Variants in PIP5KL1 observed in about 807,000 individuals in gnomAD.
The protein encoded by PIP5KL1 is phosphatidylinositol-4-phosphate 5-kinase like 1, also known as phosphatidylinositol 4-phosphate 5-kinase-like protein 1.
Under a neutral mutation model 47.6 loss-of-function variants are expected in PIP5KL1, and 45 were observed. The ratio of observed to expected loss-of-function variants is 0.94; its 90% CI spans 0.74 to 1.21. The LOEUF is 1.21. Among genes scored for constraint, PIP5KL1 ranks in the 50% most tolerant of loss-of-function variants. PIP5KL1 has a pLI of 0.00. For synonymous variants in PIP5KL1, 256 were observed against 234.6 expected, an observed-to-expected ratio of 1.09 and a Z score of -0.84; for missense variants, 577 against 547.6, an observed-to-expected ratio of 1.05 and a Z score of -0.54.
intron 3 of PIP5KL1, 67 bp downstream of exon 3, chr9:127,928,366 G>A: frequency 6.5e-7 from 1 of 1,550,266 alleles, no homozygotes; most frequent in South Asian, 1.2e-5. Flanking sequence ...TGCACAGATG[G>A]GAAAACTGCA....
intron 9 of PIP5KL1, among the ~76,000 whole-genome samples, chr9:127,924,415 C>T (rs189632782): frequency 4.0e-5 from 6 of 150,698 alleles, no homozygotes; most frequent in Admixed American, 3.3e-4. Flanking sequence ...TGCTTGAACC[C>T]GAGAGGCGGA....
chr9:127,929,538 A>G lies in PIP5KL1; in HGVS notation c.228+150T>C. 1 of 860,346 alleles carries G rather than the reference A, an allele frequency of 1.2e-6. No homozygotes were observed. Among genetic ancestry groups the G allele is most frequent in the Non-Finnish European group, 1.7e-6 (1 of 582,766 alleles). The allele number at this position is 860,346 out of a possible 1,614,324, so 53.3% of individuals were successfully genotyped here. ...ACCCCCAACGCACCCCAGACGTTCC[A>G]GCTCCCACACCACAATGTTCCTCCC... is the stretch of plus-strand genomic sequence containing the variant. On this transcript the variant is annotated intron_variant, in intron 2 of 9. Coordinates refer to ENST00000388747, the MANE Select transcript of PIP5KL1 (RefSeq NM_001135219.2). The surrounding 1 kb of genome is among the most constrained non-coding windows in gnomAD (Gnocchi z 4.0).
At chr9:127,925,654 C>A (rs1430494449) in intron 8 of PIP5KL1, 10 of 557,428 alleles carry the variant, frequency 1.8e-5, no homozygotes, top group East Asian at 6.2e-5. Context: ...TTCGTAGAGA[C>A]AGAGTTTCAG....
chr9:127,925,365 A>C, intron 8 of PIP5KL1, 105 bp from the exon 9 acceptor site: 70 of 1,331,046 alleles, frequency 5.3e-5, no homozygotes, highest in Non-Finnish European at 6.4e-5. Context: ...TCCCCATCTC[A>C]CAAATAAAGA....
intron 1 of PIP5KL1, 36 bp downstream of exon 1, chr9:127,930,687 C>T: frequency 6.5e-7 from 1 of 1,538,082 alleles, no homozygotes; most frequent in Non-Finnish European, 8.7e-7. Context: ...CCCACCAACC[C>T]TTCCCTCTCC....
Position 127,925,916 on chromosome 9 carries a change from A to C in PIP5KL1, c.714T>G (p.Leu238=). The stretch of plus-strand genomic sequence containing the variant: ...AGTTGAGGTCCTTCAGCACCAGAAC[A>C]AGGGGGCTGCCCTCAGGGGCGGGAT... ...WVDPAPEGSP[L]VLVLKDLNFQ... The change falls in exon 8 of 10, where the codon CTT becomes CTG. Residue 238 remains leucine (L), a synonymous_variant. Coordinates refer to ENST00000388747, the MANE Select transcript of PIP5KL1 (RefSeq NM_001135219.2). 1 of 1,614,128 alleles carries C rather than the reference A, an allele frequency of 6.2e-7. No individual in the cohort carries two copies. Among genetic ancestry groups the C allele is most frequent in the Middle Eastern group, 1.6e-4 (1 of 6,062 alleles).
intron 7 of PIP5KL1, among the ~76,000 whole-genome samples, chr9:127,926,325 C>T (rs1433262443): frequency 2.6e-5 from 4 of 151,082 alleles, no homozygotes; most frequent in African/African-American, 4.9e-5. Context: ...GAAACAAACA[C>T]GGCTCACTGA....
chr9:127,930,773 G>A lies in PIP5KL1; in HGVS notation c.-21C>T, dbSNP rs778630794. ...GCCATCGCCCCCGCAGCAGCTTCCCGGGCTTTGGCCGCATTCCCCGCCGCC... is the reference window on the plus strand; with the variant it reads ...GCCATCGCCCCCGCAGCAGCTTCCCAGGCTTTGGCCGCATTCCCCGCCGCC... On this transcript the variant is annotated 5_prime_UTR_variant, in exon 1 of 10. Transcript: ENST00000388747. 1.5e-5 allele frequency: 23 copies of A among 1,534,768 alleles called. No homozygotes were observed. The highest frequency in any genetic ancestry group is 9.9e-5 in the African/African-American group (7 of 70,434).
At position 127,928,690 on chromosome 9, in the gene PIP5KL1, C is replaced by T. The variant is rs572740130; in HGVS notation, c.229-207G>A. Reference sequence around the variant, plus strand: ...ATGCCAGGGGGACAAGAGTGACCCACGGCAAGGCCTGAGTGTATCTCATCC... The same window carrying T: ...ATGCCAGGGGGACAAGAGTGACCCATGGCAAGGCCTGAGTGTATCTCATCC... On this transcript the variant is annotated intron_variant, in intron 2 of 9. Coordinates refer to ENST00000388747, the MANE Select transcript of PIP5KL1 (RefSeq NM_001135219.2). The T allele has an allele frequency of 1.8e-4, 106 of 601,900 alleles. 1 individual carries two copies. Among genetic ancestry groups the T allele is most frequent in the Non-Finnish European group, 2.5e-4 (87 of 341,452 alleles). 37.3% of individuals were successfully genotyped at this position (601,900 alleles called of 1,614,324 possible).
At chr9:127,930,586 G>T in intron 1 of PIP5KL1, 137 bp downstream of exon 1, 1 of 1,093,846 alleles carries the variant, frequency 9.1e-7, no homozygotes, top group Non-Finnish European at 1.2e-6. Flanking sequence ...CCCGTGTGGG[G>T]CGTGTCCTGG....
chr9:127,926,220 T>C (rs1255194095), intron 7 of PIP5KL1, among the ~76,000 whole-genome samples: 2 of 150,282 alleles, frequency 1.3e-5, no homozygotes, highest in Non-Finnish European at 3.0e-5. Context: ...TCCCCTTCTT[T>C]CTTCCCTTTT....
Position 127,927,122 on chromosome 9 carries a change from A to G in PIP5KL1, c.650+31T>C. ...CTTCGGGCCGCGAGTTTCGGCTGGG[A>G]TGGGGGCCCAAACCTGCTTAGGCCA... On this transcript the variant is annotated intron_variant, in intron 7 of 9. Transcript: ENST00000388747. The surrounding 1 kb of genome is among the most constrained non-coding windows in gnomAD (Gnocchi z 5.5). 1.9e-6 allele frequency: 3 copies of G among 1,578,562 alleles called. No homozygotes were observed. The highest frequency in any genetic ancestry group is 1.8e-5 in the Admixed American group (1 of 56,824).
In PIP5KL1 at chr9:127,929,761, A is replaced by G; in HGVS notation, c.155T>C (p.Leu52Pro). Residue 52 changes from leucine to proline, a missense_variant, in exon 2 of 10, where the codon CTG becomes CCG. By Grantham distance (98) the Leu-to-Pro change is moderately conservative (BLOSUM62 -3). Coordinates refer to ENST00000388747, the MANE Select transcript of PIP5KL1 (RefSeq NM_001135219.2). This position sits in a 1 kb window ranked among gnomAD's most constrained non-coding sequence, Gnocchi z 4.0. ...CTGCATCATGCACGTCATCCCATGC[A>G]GTTCATGCCCCGGGCTGATCTCAAA... ...GLFEISPGHE[L>P]HGMTCMMQAG... is the part of the protein sequence containing the mutation. The G allele has an allele frequency of 6.3e-7, 1 of 1,578,072 alleles. No homozygotes were observed. The highest frequency in any genetic ancestry group is 2.3e-5 in the East Asian group (1 of 42,946).
In PIP5KL1 at chr9:127,927,301, T is replaced by C; in HGVS notation, c.590A>G (p.Lys197Arg). The change falls in exon 6 of 10, where the codon AAG (lysine) becomes AGG (arginine). Residue 197 changes from lysine to arginine, a missense_variant. Physicochemically the swap from Lys to Arg is conservative, Grantham distance 26. Transcript: ENST00000388747. This position sits in a 1 kb window ranked among gnomAD's most constrained non-coding sequence, Gnocchi z 5.5. ...CCTCGCCTCGGCTTCACCCACCTTC[T>C]TTCCCCGGTCCACCCGCAGACTGTG... The part of the protein sequence containing the change: ...GVHSLRVDRG[K>R]KTYFIVMQSV... The C allele has an allele frequency of 2.5e-6, 4 of 1,611,122 alleles. No individual in the cohort carries two copies. Among genetic ancestry groups the C allele is most frequent in the Non-Finnish European group, 3.4e-6 (4 of 1,179,350 alleles).
intron 1 of PIP5KL1, 146 bp downstream of exon 1, chr9:127,930,577 C>G: frequency 2.0e-6 from 2 of 1,000,660 alleles, no homozygotes; most frequent in Non-Finnish European, 2.7e-6. Flanking sequence ...ACCTGGCGCC[C>G]CGTGTGGGGC....
At chr9:127,924,557 GA>G (rs1366576737) in intron 9 of PIP5KL1, among the ~76,000 whole-genome samples, 18 of 150,444 alleles carry the variant, frequency 1.2e-4, no homozygotes, top group African/African-American at 4.9e-5. Flanking sequence ...TCAGGAGGAT[GA>G]GGCAGGAGAA....
In PIP5KL1 at chr9:127,921,461, AGAT is replaced by A. The variant is rs1368837744; in HGVS notation, c.*383_*385del. 2 of 186,848 alleles carry A rather than the reference AGAT, an allele frequency of 1.1e-5. No homozygotes were observed. Among genetic ancestry groups the A allele is most frequent in the African/African-American group, 4.7e-5 (2 of 42,168 alleles). 11.6% of individuals were successfully genotyped at this position (186,848 alleles called of 1,614,324 possible). On this transcript the variant is annotated 3_prime_UTR_variant, in exon 10 of 10. Transcript: ENST00000388747. The stretch of plus-strand genomic sequence containing the variant: ...CAGCCTTCAGCCTCCCCCCTTGCCC[AGAT>A]CATGAGGACCAAGCTGCAGGAGCTG...
At chr9:127,925,410 G>A in intron 8 of PIP5KL1, 150 bp from the exon 9 acceptor site, 1 of 812,342 alleles carries the variant, frequency 1.2e-6, no homozygotes, top group Non-Finnish European at 1.9e-6. Context: ...CACTTAGCTA[G>A]GAAGTCATGG....
At position 127,929,126 on chromosome 9, in the gene PIP5KL1, C is replaced by A. The variant is rs1831403982; in HGVS notation, c.228+562G>T. Among the ~76,000 whole-genome samples, 1 of 151,302 alleles carries A rather than the reference C, an allele frequency of 6.6e-6. No individual in the cohort carries two copies. The highest frequency in any genetic ancestry group is 6.6e-5 in the Admixed American group (1 of 15,214). Reference sequence around the variant, plus strand: ...AGGTCAGTTTGTGATTTAGAGAACTCCCTCGAGTCTCTACACTTTCCCTGG... The same window carrying A: ...AGGTCAGTTTGTGATTTAGAGAACTACCTCGAGTCTCTACACTTTCCCTGG... On this transcript the variant is annotated intron_variant, in intron 2 of 9. Transcript: ENST00000388747. This position sits in a 1 kb window ranked among gnomAD's most constrained non-coding sequence, Gnocchi z 4.0.
Sources: allele counts gnomAD v4.1 joint callset (sites outside exome capture counted in the v4.1 genomes callset), GRCh38; gene constraint gnomAD v4.1.1; non-coding constraint Gnocchi (gnomAD v3.1); transcripts MANE v1.5; gene names NCBI Gene and HGNC (gene_info 2026-07-23, HGNC 2026-07-21).